CFAP20DC: variants seen among roughly 807,000 people sequenced by gnomAD.
The protein encoded by CFAP20DC is CFAP20 domain containing.
CFAP20DC carries 84 observed loss-of-function variants against 101.7 expected under a neutral mutation model. The observed-to-expected ratio is 0.83, with a 90% confidence interval of 0.69 to 0.99. The LOEUF is 0.99. Among genes scored for constraint, CFAP20DC ranks in the 50% least tolerant of loss-of-function variants. The pLI is 0.00. For synonymous variants in CFAP20DC, 359 were observed against 351.2 expected (o/e 1.02, Z -0.25); for missense variants, 1,007 against 970.3 (o/e 1.04, Z -0.50).
rs112247432 is a variant in CFAP20DC, at chr3:58,914,446, A to G, written c.394-582T>C. Reference sequence around the variant, plus strand: ...TGCAGGGACTAATTTCTGCGCATTAAATAATTAGGCCCCTCAATACTTCAT... The same window carrying G: ...TGCAGGGACTAATTTCTGCGCATTAGATAATTAGGCCCCTCAATACTTCAT... On this transcript the variant is annotated intron_variant, in intron 5 of 16. Coordinates refer to ENST00000482387, the MANE Select transcript of CFAP20DC (RefSeq NM_001394063.1). This position sits in a 1 kb window ranked among gnomAD's most constrained non-coding sequence, Gnocchi z 4.9. 3.3e-5 allele frequency among the ~76,000 whole-genome samples: 5 copies of G among 152,216 alleles called. No homozygotes were observed. Among genetic ancestry groups the G allele is most frequent in the African/African-American group, 1.2e-4 (5 of 41,544 alleles).
intron 11 of CFAP20DC, among the ~76,000 whole-genome samples, 196 bp downstream of exon 11, chr3:58,866,370 A>C (rs920691068): frequency 5.3e-5 from 8 of 152,188 alleles, no homozygotes; most frequent in Non-Finnish European, 1.2e-4. Context: ...GTGCATTAAA[A>C]CTTGAAAATA....
rs749536018 is a variant in CFAP20DC, at chr3:58,892,466, G to A, written c.551-7757C>T. On this transcript the variant is annotated intron_variant, in intron 6 of 16. Transcript: ENST00000482387. This position sits in a 1 kb window ranked among gnomAD's most constrained non-coding sequence, Gnocchi z 4.0. ...TGATATTGATTCTTCCTATCCATGAGCATGGAATGTTTTTCCATTTGTTTG... is the reference window on the plus strand; with the variant it reads ...TGATATTGATTCTTCCTATCCATGAACATGGAATGTTTTTCCATTTGTTTG... Among the ~76,000 whole-genome samples the A allele has an allele frequency of 2.0e-4, 31 of 152,214 alleles. No homozygotes were observed. Among genetic ancestry groups the A allele is most frequent in the African/African-American group, 7.2e-4 (30 of 41,454 alleles).
intron 15 of CFAP20DC, among the ~76,000 whole-genome samples, chr3:58,759,385 GTTT>G (rs1289727472): frequency 1.2e-4 from 18 of 152,022 alleles, no homozygotes; most frequent in African/African-American, 4.3e-4. Context: ...TGATGGGGTT[GTTT>G]TTTTCTTGTA....
chr3:58,902,627 C>A (rs530390771), intron 6 of CFAP20DC, among the ~76,000 whole-genome samples: 26 of 152,198 alleles, frequency 1.7e-4, no homozygotes, highest in African/African-American at 5.5e-4. Flanking sequence ...AGTTGTTTGT[C>A]TTTTTGTTGT....
chr3:58,963,187 AGTTTGTGTGT>A (rs1279864668), intron 4 of CFAP20DC, among the ~76,000 whole-genome samples: 1 of 53,002 alleles, frequency 1.9e-5, no homozygotes, highest in African/African-American at 5.3e-5. Context: ...AAGGTTCAGT[AGTTTGTGTGT>A]GTGTGTGTGT....
At chr3:58,832,119 C>T (rs1193286403) in intron 13 of CFAP20DC, among the ~76,000 whole-genome samples, 1 of 152,178 alleles carries the variant, frequency 6.6e-6, no homozygotes, top group East Asian at 1.9e-4. Context: ...CATCAGTCCT[C>T]TCTTAGTCCT....
chr3:58,786,816 T>C (rs1313568530), intron 15 of CFAP20DC, among the ~76,000 whole-genome samples: 2 of 151,908 alleles, frequency 1.3e-5, no homozygotes, highest in African/African-American at 2.4e-5. Flanking sequence ...CTAAGATCTA[T>C]GGTAAGAATA....
At chr3:58,951,293 T>A (rs2090073155) in intron 4 of CFAP20DC, among the ~76,000 whole-genome samples, 1 of 152,174 alleles carries the variant, frequency 6.6e-6, no homozygotes, top group East Asian at 1.9e-4. Flanking sequence ...ATAGGAACAC[T>A]TTTACACTGT....
chr3:58,798,856 T>C (rs2073452203), intron 15 of CFAP20DC, among the ~76,000 whole-genome samples: 1 of 152,112 alleles, frequency 6.6e-6, no homozygotes, highest in African/African-American at 2.4e-5. Flanking sequence ...GCTCAGTGAT[T>C]GTTAGCAGTT....
Position 58,812,108 on chromosome 3 carries a change from G to A in CFAP20DC, c.2176-5652C>T, listed in dbSNP as rs2107795492. ...AGGAACACTTTTACACTGTTGCTGG[G>A]ACTGTAAACTAGCTCGACCATTGTG... On this transcript the variant is annotated intron_variant, in intron 14 of 16. Transcript: ENST00000482387. Among the ~76,000 whole-genome samples the A allele has an allele frequency of 1.3e-5, 2 of 152,252 alleles. 1 individual carries two copies. Among genetic ancestry groups the A allele is most frequent in the South Asian group, 4.1e-4 (2 of 4,824 alleles).
intron 4 of CFAP20DC, among the ~76,000 whole-genome samples, chr3:59,025,366 C>T (rs892186729): frequency 2.6e-5 from 4 of 152,210 alleles, no homozygotes; most frequent in African/African-American, 9.6e-5. Context: ...AGACAGGCTC[C>T]ATCTGTCTTT....
intron 4 of CFAP20DC, among the ~76,000 whole-genome samples, chr3:58,999,752 T>C (rs752907190): frequency 2.6e-5 from 4 of 151,046 alleles, no homozygotes; most frequent in Non-Finnish European, 5.9e-5. Context: ...ATAGAAATAC[T>C]ACATCTGAAT....
At chr3:58,751,588 T>G (rs2068578357) in intron 16 of CFAP20DC, among the ~76,000 whole-genome samples, 1 of 152,172 alleles carries the variant, frequency 6.6e-6, no homozygotes, top group Admixed American at 6.6e-5. Flanking sequence ...CCTTGAGATA[T>G]TTTAATTAAT....
At chr3:58,885,763 C>A (rs567344619) in intron 6 of CFAP20DC, among the ~76,000 whole-genome samples, 1 of 151,930 alleles carries the variant, frequency 6.6e-6, no homozygotes, top group Non-Finnish European at 1.5e-5. Context: ...CCACTTCTAT[C>A]CATGTTGCTG....
intron 15 of CFAP20DC, among the ~76,000 whole-genome samples, chr3:58,792,884 T>A (rs1346384696): frequency 6.6e-6 from 1 of 152,048 alleles, no homozygotes; most frequent in African/African-American, 2.4e-5. Flanking sequence ...ACATGTGGTG[T>A]TGGTATGCTA....
At chr3:59,049,465 A>G in intron 1 of CFAP20DC, 146 bp downstream of exon 1, 1 of 832,928 alleles carries the variant, frequency 1.2e-6, no homozygotes, top group Admixed American at 2.0e-5. Context: ...CTCTGGGTCA[A>G]CAGCATTCAC....
In CFAP20DC at chr3:58,989,988, T is replaced by C. The variant is rs546082656; in HGVS notation, c.278+49569A>G. Among the ~76,000 whole-genome samples the C allele has an allele frequency of 7.9e-5, 12 of 152,174 alleles. No individual in the cohort carries two copies. The South Asian group carries it at 2.5e-3, about 32-fold the overall frequency. ...GATAAAGTATAAAAATTATAGTAAATGAAAGTAATTTGTATCAAGAGAAAC... is the reference window on the plus strand; with the variant it reads ...GATAAAGTATAAAAATTATAGTAAACGAAAGTAATTTGTATCAAGAGAAAC... On this transcript the variant is annotated intron_variant, in intron 4 of 16. Transcript: ENST00000482387.
intron 12 of CFAP20DC, among the ~76,000 whole-genome samples, chr3:58,854,235 A>G (rs1259587654): frequency 1.3e-5 from 2 of 151,864 alleles, no homozygotes; most frequent in Non-Finnish European, 2.9e-5. Context: ...CCCATTCACA[A>G]TTGCTTCAAA....
chr3:58,845,574 T>C (rs1239274453), intron 13 of CFAP20DC, among the ~76,000 whole-genome samples: 1 of 152,070 alleles, frequency 6.6e-6, no homozygotes, highest in African/African-American at 2.4e-5. Flanking sequence ...AGCCGAATTC[T>C]ACCAGAGGTA....
Sources: gnomAD v4.1 joint callset for allele counts (sites outside exome capture counted in the v4.1 genomes callset) on GRCh38, gnomAD v4.1.1 for gene constraint, Gnocchi (gnomAD v3.1) non-coding constraint, MANE v1.5 for transcripts, NCBI Gene and HGNC (gene_info 2026-07-23, HGNC 2026-07-21) for gene names.